Variants in KANK1 observed in about 807,000 individuals in gnomAD.
KANK1 encodes KN motif and ankyrin repeat domains 1, also known as KN motif and ankyrin repeat domain-containing protein 1.
In KANK1, 109 loss-of-function variants were observed where a neutral mutation model predicts 106.2. The ratio of observed to expected loss-of-function variants is 1.03; its 90% CI spans 0.88 to 1.20. KANK1 has a LOEUF of 1.20. Among genes scored for constraint, KANK1 ranks in the 50% most tolerant of loss-of-function variants. The pLI, the probability that KANK1 is intolerant of heterozygous loss-of-function variation, is 0.00. For missense variants in KANK1, 2,399 were observed against 1,710.7 expected (o/e 1.40, Z -7.10); for synonymous variants, 873 against 652.2 (o/e 1.34, Z -5.16).
intron 1 of KANK1, among the ~76,000 whole-genome samples, chr9:545,420 C>A (rs2060867591): frequency 6.6e-6 from 1 of 152,132 alleles, no homozygotes; most frequent in Non-Finnish European, 1.5e-5. Context: ...GGGAGTCTTT[C>A]CCATGTGGAT....
At chr9:589,075 T>C (rs1824205962) in intron 1 of KANK1, among the ~76,000 whole-genome samples, 2 of 152,186 alleles carry the variant, frequency 1.3e-5, no homozygotes, top group Admixed American at 1.3e-4. Flanking sequence ...CGTGACTCAG[T>C]TGATGCTGAG....
chr9:479,874 G>GC (rs112020111), intron 3 of KANK1, among the ~76,000 whole-genome samples: 3 of 151,940 alleles, frequency 2.0e-5, no homozygotes, highest in East Asian at 2.0e-4. Context: ...AAATAACTGA[G>GC]CCCCCCCAGT....
At chr9:635,036 G>A (rs893184256) in intron 1 of KANK1, among the ~76,000 whole-genome samples, 1 of 152,108 alleles carries the variant, frequency 6.6e-6, no homozygotes, top group African/African-American at 2.4e-5. Flanking sequence ...ACATTTCACT[G>A]ACCAAAAATG....
chr9:597,305 G>A lies in KANK1; in HGVS notation c.-83-79585G>A, dbSNP rs1400597826. Among the ~76,000 whole-genome samples the A allele has an allele frequency of 3.3e-5, 5 of 151,774 alleles. No individual in the cohort carries two copies. The East Asian group carries it at 7.7e-4, about 23-fold the overall frequency. On this transcript the variant is annotated intron_variant, in intron 1 of 11. Coordinates refer to ENST00000382297, the MANE Select transcript of KANK1 (RefSeq NM_015158.5). Reference sequence around the variant, plus strand: ...TTTTTGCAAAACTGTTTTCCACAGGGCCAAACCATTTCTAGTCCCACCAAC... The same window carrying A: ...TTTTTGCAAAACTGTTTTCCACAGGACCAAACCATTTCTAGTCCCACCAAC...
At chr9:698,932 A>G (rs938542565) in intron 2 of KANK1, among the ~76,000 whole-genome samples, 32 of 152,220 alleles carry the variant, frequency 2.1e-4, no homozygotes, top group Non-Finnish European at 2.2e-4. Flanking sequence ...CAATGCATCT[A>G]TGATGCAAAA....
At chr9:515,284 G>C (rs548061844) in intron 1 of KANK1, among the ~76,000 whole-genome samples, 1 of 150,726 alleles carries the variant, frequency 6.6e-6, no homozygotes, top group Non-Finnish European at 1.5e-5. Context: ...GGCGGAGCTT[G>C]CAGTGAGCCG....
rs377312099 is a variant in KANK1 at position 480,362 on chromosome 9, C to T, written c.-362+7089C>T. On this transcript the variant is annotated intron_variant, in intron 3 of 15. Coordinates refer to the KANK1 transcript ENST00000382303. ...GTGAGTACAAAAGGCTAGGTGGACACGTGCAGCCCTTATTCTATGTGAATG... is the reference window on the plus strand; with the variant it reads ...GTGAGTACAAAAGGCTAGGTGGACATGTGCAGCCCTTATTCTATGTGAATG... 9.1e-4 allele frequency among the ~76,000 whole-genome samples: 139 copies of T among 152,280 alleles called. 2 individuals are homozygous for T. In the South Asian group the frequency reaches 0.024, roughly 26 times the overall value.
chr9:535,081 C>T (rs920852587), intron 1 of KANK1, among the ~76,000 whole-genome samples: 4 of 152,194 alleles, frequency 2.6e-5, no homozygotes, highest in South Asian at 2.1e-4. Flanking sequence ...CTGAGAGTGG[C>T]ACAGTAACTC....
chr9:621,441 A>C (rs1409096427), intron 1 of KANK1, among the ~76,000 whole-genome samples: 1 of 152,212 alleles, frequency 6.6e-6, no homozygotes, highest in African/African-American at 2.4e-5. Context: ...TTACCAAAAA[A>C]AAGTGAGTTC....
chr9:666,191 A>C (rs1035849565), intron 1 of KANK1, among the ~76,000 whole-genome samples: 19 of 152,060 alleles, frequency 1.2e-4, no homozygotes, highest in African/African-American at 4.3e-4. Flanking sequence ...AAAAAAAAAA[A>C]CAAAATATTC....
At chr9:631,352 G>C (rs563972470) in intron 1 of KANK1, among the ~76,000 whole-genome samples, 56 of 152,294 alleles carry the variant, frequency 3.7e-4, no homozygotes, top group African/African-American at 1.3e-3. Context: ...CCTTAACCAG[G>C]AAAATTTCAT....
chr9:710,567 G>A (rs944752292), intron 2 of KANK1, among the ~76,000 whole-genome samples: 7 of 136,916 alleles, frequency 5.1e-5, no homozygotes, highest in African/African-American at 1.9e-4. Context: ...GCAGTGAACC[G>A]AGATCATGCC....
At chr9:498,959 C>T (rs1442392273) in intron 3 of KANK1, among the ~76,000 whole-genome samples, 1 of 152,040 alleles carries the variant, frequency 6.6e-6, no homozygotes. Flanking sequence ...GGGTGGATCA[C>T]GAGGTCAGGA....
At chr9:652,632 G>C (rs1465226145) in intron 1 of KANK1, among the ~76,000 whole-genome samples, 1 of 152,218 alleles carries the variant, frequency 6.6e-6, no homozygotes, top group African/African-American at 2.4e-5. Context: ...AGCCATAAAA[G>C]AGAGATGTGG....
chr9:696,250 C>G (rs1444516240), intron 2 of KANK1, among the ~76,000 whole-genome samples: 6 of 151,554 alleles, frequency 4.0e-5, no homozygotes, highest in African/African-American at 1.5e-4. Context: ...CGCCACTGCA[C>G]TCCAGCCTGG....
At chr9:557,440 A>G (rs1014056612) in intron 1 of KANK1, among the ~76,000 whole-genome samples, 2 of 152,204 alleles carry the variant, frequency 1.3e-5, no homozygotes, top group African/African-American at 4.8e-5. Context: ...TTAAAAATTT[A>G]GAACAAAAAT....
intron 1 of KANK1, among the ~76,000 whole-genome samples, chr9:631,152 T>C (rs556052451): frequency 5.3e-5 from 8 of 152,266 alleles, no homozygotes; most frequent in Middle Eastern, 3.4e-3. Flanking sequence ...ACCACAAATA[T>C]TTCCTTACTC....
At chr9:626,382 G>C (rs1235493286) in intron 1 of KANK1, among the ~76,000 whole-genome samples, 1 of 152,104 alleles carries the variant, frequency 6.6e-6, no homozygotes, top group Non-Finnish European at 1.5e-5. Flanking sequence ...TTGAATTCAG[G>C]AGGCAGAGGT....
chr9:505,514 C>A (rs1250897120), intron 1 of KANK1, among the ~76,000 whole-genome samples: 1 of 152,242 alleles, frequency 6.6e-6, no homozygotes, highest in Non-Finnish European at 1.5e-5. Flanking sequence ...GGGCAACACG[C>A]AGTGGCGCTC....
Sources: gnomAD v4.1 joint callset for allele counts (sites outside exome capture counted in the v4.1 genomes callset) on GRCh38, gnomAD v4.1.1 for gene constraint, MANE v1.5 for transcripts, NCBI Gene and HGNC (gene_info 2026-07-23, HGNC 2026-07-21) for gene names.